Variants in MSANTD3 observed in about 807,000 individuals in gnomAD.
MSANTD3 encodes the protein myb/SANT-like DNA-binding domain-containing protein 3.
In MSANTD3, 11 loss-of-function variants were observed where a neutral mutation model predicts 27.7. The observed-to-expected ratio is 0.40, with a 90% confidence interval of 0.25 to 0.66. MSANTD3 has a LOEUF of 0.66. MSANTD3 is among the 30% of genes least tolerant of loss of function. The pLI is 0.41. For missense variants in MSANTD3, 250 were observed against 336.5 expected (o/e 0.74, Z 2.01); for synonymous variants, 131 against 127.2 (o/e 1.03, Z -0.20).
At chr9:100,433,822 T>C (rs1039438115) in intron 1 of MSANTD3, among the ~76,000 whole-genome samples, 5 of 152,186 alleles carry the variant, frequency 3.3e-5, no homozygotes, top group African/African-American at 9.6e-5. Context: ...GGCTGCCACG[T>C]GTCCTTCAGT....
At chr9:100,429,709 T>G (rs1221240567) in intron 1 of MSANTD3, 1 of 110,954 alleles carries the variant, frequency 9.0e-6, no homozygotes, top group Non-Finnish European at 2.2e-5. Context: ...TTGTTTTTGT[T>G]TTTTTTTTGG....
intron 1 of MSANTD3, among the ~76,000 whole-genome samples, chr9:100,427,825 A>G (rs374120879): frequency 6.6e-6 from 1 of 152,144 alleles, no homozygotes; most frequent in Non-Finnish European, 1.5e-5. Context: ...TCCAGAGTGT[A>G]ACGGGAGGGA....
intron 1 of MSANTD3, among the ~76,000 whole-genome samples, chr9:100,429,328 G>C (rs1836312952): frequency 1.3e-5 from 2 of 152,180 alleles, no homozygotes; most frequent in African/African-American, 4.8e-5. Context: ...CATTTTTTGT[G>C]AGGATAAAAT....
intron 1 of MSANTD3, among the ~76,000 whole-genome samples, chr9:100,429,311 C>A (rs1836312480): frequency 6.6e-6 from 1 of 152,126 alleles, no homozygotes; most frequent in African/African-American, 2.4e-5. Flanking sequence ...CATTTCTTAG[C>A]TTTGTACATT....
intron 1 of MSANTD3, among the ~76,000 whole-genome samples, chr9:100,441,665 T>G (rs1382376407): frequency 6.6e-6 from 1 of 152,184 alleles, no homozygotes; most frequent in Non-Finnish European, 1.5e-5. Context: ...AACTTTTCTT[T>G]TTTTGCTGTT....
Position 100,448,941 on chromosome 9 carries a change from A to C in MSANTD3, c.419-1616A>C, listed in dbSNP as rs757252340. 3.6e-4 allele frequency: 351 copies of C among 985,168 alleles called. 1 individual carries two copies. The highest frequency in any genetic ancestry group is 4.1e-4 in the Non-Finnish European group (341 of 829,868). 61.0% of individuals were successfully genotyped at this position (985,168 alleles called of 1,614,324 possible). On this transcript the variant is annotated intron_variant, in intron 2 of 2. Coordinates refer to ENST00000395067, the MANE Select transcript of MSANTD3 (RefSeq NM_080655.3). ...ATTGTTACTTTACCTCTTGGAGTGG[A>C]ATAATTAAACAGTAGCCATTTTCCT...
In MSANTD3 at chr9:100,435,538, G is replaced by A. The variant is rs143466681; in HGVS notation, c.-33-6368G>A. ...ATAATAAAATACCACAGATTGTGTG[G>A]TTGAAACAACAGAAATTGGATTCTT... On this transcript the variant is annotated intron_variant, in intron 1 of 2. Transcript: ENST00000395067. Among the ~76,000 whole-genome samples the A allele has an allele frequency of 3.1e-3, 470 of 152,318 alleles. 2 individuals are homozygous for A. The highest frequency in any genetic ancestry group is 0.011 in the African/African-American group (442 of 41,572).
intron 1 of MSANTD3, among the ~76,000 whole-genome samples, chr9:100,430,324 CAAAAA>C (rs35854801): frequency 6.2e-5 from 6 of 96,012 alleles, no homozygotes; most frequent in Admixed American, 1.2e-4. Flanking sequence ...GACTCTGTGT[CAAAAA>C]AAAAAAAAAA....
chr9:100,434,118 G>C (rs563876411), intron 1 of MSANTD3, among the ~76,000 whole-genome samples: 8 of 152,308 alleles, frequency 5.3e-5, no homozygotes, highest in African/African-American at 1.7e-4. Context: ...TCTCTCTGAT[G>C]CCTGCACAAA....
At chr9:100,448,717 G>T in intron 2 of MSANTD3, 1 of 985,400 alleles carries the variant, frequency 1.0e-6, no homozygotes, top group South Asian at 4.7e-5. Context: ...CAAGTGTTCT[G>T]CCAGAGGTAG....
rs533480069 is a variant in MSANTD3 at position 100,429,830 on chromosome 9, G to A, written c.-34+2437G>A. On this transcript the variant is annotated intron_variant, in intron 1 of 2. Transcript: ENST00000395067. ...CGATTCTCTTGTCTCAGCCTCCCAA[G>A]TAGCTGAGATTACAGGCACCTACCA... Among the ~76,000 whole-genome samples the A allele has an allele frequency of 8.6e-5, 13 of 152,012 alleles. No homozygotes were observed. In the South Asian group the frequency reaches 2.7e-3, roughly 32 times the overall value.
chr9:100,432,013 A>T (rs1836386431), intron 1 of MSANTD3, among the ~76,000 whole-genome samples: 1 of 152,078 alleles, frequency 6.6e-6, no homozygotes, highest in Non-Finnish European at 1.5e-5. Context: ...AAGGGGAAGG[A>T]CGGGGTTAGG....
chr9:100,436,328 T>G (rs537393483), intron 1 of MSANTD3, among the ~76,000 whole-genome samples: 2 of 152,304 alleles, frequency 1.3e-5, no homozygotes, highest in East Asian at 3.9e-4. Context: ...GCCTTTAGTG[T>G]ACTGTTTTGT....
Position 100,427,188 on chromosome 9 carries a change from G to A in MSANTD3, c.-239G>A, listed in dbSNP as rs1173558213. ...GGCAGGCGGCGGGCGGTCCGCGAGGGGGCGGCGGCGTCCGGGCTTTGTGGC... is the reference window on the plus strand; with the variant it reads ...GGCAGGCGGCGGGCGGTCCGCGAGGAGGCGGCGGCGTCCGGGCTTTGTGGC... On this transcript the variant is annotated 5_prime_UTR_variant, in exon 1 of 3. Transcript: ENST00000395067. The A allele has an allele frequency of 6.8e-6, 1 of 146,340 alleles. No individual in the cohort carries two copies. The highest frequency in any genetic ancestry group is 1.5e-5 in the Non-Finnish European group (1 of 65,916). The allele number at this position is 146,340 out of a possible 1,614,324, so 9.1% of individuals were successfully genotyped here.
chr9:100,437,798 T>C (rs1021972148), intron 1 of MSANTD3, among the ~76,000 whole-genome samples: 9 of 152,222 alleles, frequency 5.9e-5, no homozygotes, highest in Non-Finnish European at 1.0e-4. Flanking sequence ...TGTAAATTTA[T>C]ATATACATGC....
intron 1 of MSANTD3, among the ~76,000 whole-genome samples, chr9:100,438,944 C>G (rs1218824978): frequency 6.6e-6 from 1 of 152,156 alleles, no homozygotes; most frequent in Non-Finnish European, 1.5e-5. Context: ...GGACACATCC[C>G]CAAAGATAAA....
chr9:100,444,248 C>T (rs1052608632), intron 2 of MSANTD3: 1 of 152,080 alleles, frequency 6.6e-6, no homozygotes, highest in East Asian at 1.9e-4. Context: ...CCTCATGCAT[C>T]GATTTCCAGT....
chr9:100,439,809 A>C (rs1385347811), intron 1 of MSANTD3, among the ~76,000 whole-genome samples: 1 of 151,444 alleles, frequency 6.6e-6, no homozygotes, highest in Non-Finnish European at 1.5e-5. Context: ...GTGAGCCATT[A>C]CGCCTGCCCA....
chr9:100,434,691 C>T (rs1836439666), intron 1 of MSANTD3, among the ~76,000 whole-genome samples: 1 of 152,194 alleles, frequency 6.6e-6, no homozygotes, highest in African/African-American at 2.4e-5. Flanking sequence ...GCTCAAATGT[C>T]CTCTTGTTCA....
Sources: allele counts gnomAD v4.1 joint callset (sites outside exome capture counted in the v4.1 genomes callset), GRCh38; gene constraint gnomAD v4.1.1; transcripts MANE v1.5; gene names NCBI Gene and HGNC (gene_info 2026-07-23, HGNC 2026-07-21).